USP50: variants seen among roughly 807,000 people sequenced by gnomAD.
USP50 encodes the protein ubiquitin carboxyl-terminal hydrolase 50.
In USP50, 37 loss-of-function variants were observed where a neutral mutation model predicts 39.2. The observed-to-expected ratio is 0.94, with a 90% CI of 0.73 to 1.24. USP50 has a LOEUF of 1.24. Among genes scored for constraint, USP50 ranks in the 50% most tolerant of loss-of-function variants. USP50 has a pLI of 0.00. For synonymous variants in USP50, 139 were observed against 144.5 expected (o/e 0.96, Z 0.27); for missense variants, 374 against 398.2 (o/e 0.94, Z 0.52).
chr15:50,528,299 T>A (rs1366646143), intron 6 of USP50, among the ~76,000 whole-genome samples: 2 of 150,772 alleles, frequency 1.3e-5, no homozygotes, highest in Admixed American at 1.3e-4. Context: ...TTTTAAGAGA[T>A]GGAGTCTTGC....
In USP50 at chr15:50,538,729, T is replaced by C. The variant is rs1338781610; in HGVS notation, c.783A>G (p.Ile261Met). The C allele has an allele frequency of 6.3e-7, 1 of 1,598,642 alleles. No homozygotes were observed. The highest frequency in any genetic ancestry group is 8.5e-7 in the Non-Finnish European group (1 of 1,173,108). Residue 261 changes from isoleucine (I) to methionine (M), a missense_variant, in exon 5 of 7, where the codon ATA (isoleucine) becomes ATG (methionine). Coordinates refer to ENST00000532404, the MANE Select transcript of USP50 (RefSeq NM_203494.5). ...VRASISKAPK[I>M]IIFHLKRFDI... The stretch of plus-strand genomic sequence containing the variant: ...CATACCTTTTTAGGTGGAAAATAAT[T>C]ATTTTTGGTGCTTTGGAAATACTGG...
intron 4 of USP50, among the ~76,000 whole-genome samples, chr15:50,540,750 A>G (rs1014939795): frequency 6.6e-6 from 1 of 151,972 alleles, no homozygotes; most frequent in East Asian, 1.9e-4. Flanking sequence ...CAGTCTCCCA[A>G]ATAGCTGGGA....
At chr15:50,518,476 G>A (rs1039666520) in intron 6 of USP50, among the ~76,000 whole-genome samples, 73 of 151,902 alleles carry the variant, frequency 4.8e-4, no homozygotes, top group African/African-American at 1.7e-3. Flanking sequence ...CTCCCAAAGT[G>A]CTGGGATTAC....
rs2053072114 is a variant in USP50 at position 50,546,494 on chromosome 15, T to C, written c.32A>G (p.Asp11Gly). MTSQPSLPAD[D>G]FDIYHVLAEC... Reference sequence around the variant, plus strand: ...TCACAGGACGTGGTAGATATCGAAGTCATCTGCAGGGAGAGACGGCTGAGA... The same window carrying C: ...TCACAGGACGTGGTAGATATCGAAGCCATCTGCAGGGAGAGACGGCTGAGA... The change falls in exon 1 of 7, where the codon GAC becomes GGC. Residue 11 changes from aspartate (D) to glycine (G), a missense_variant. By Grantham distance (94) the Asp-to-Gly change is moderately conservative. Transcript: ENST00000532404. 6.2e-7 allele frequency: 1 copy of C among 1,613,646 alleles called. No individual in the cohort carries two copies.
At chr15:50,495,670 GT>G (rs910842371), downstream of USP50, among the ~76,000 whole-genome samples, 4 of 151,850 alleles carry the variant, frequency 2.6e-5, no homozygotes, top group African/African-American at 4.8e-5. Context: ...AAGTGAGTGA[GT>G]TTTTTTTGGT....
At chr15:50,529,349 T>TAAA (rs60643073) in intron 6 of USP50, among the ~76,000 whole-genome samples, 3 of 134,582 alleles carry the variant, frequency 2.2e-5, no homozygotes, top group Non-Finnish European at 4.8e-5. Flanking sequence ...ATCTCTACTT[T>TAAA]AAAAAAAAAA....
downstream of USP50, chr15:50,497,226 G>C (rs11857513): frequency 1.5e-5 from 24 of 1,602,462 alleles, no homozygotes; most frequent in Non-Finnish European, 1.8e-5. Context: ...TAGTGCATCT[G>C]AAACGGTAAA....
At chr15:50,539,450 CCT>C (rs2053011957) in intron 4 of USP50, among the ~76,000 whole-genome samples, 1 of 147,844 alleles carries the variant, frequency 6.8e-6, no homozygotes, top group Admixed American at 6.8e-5. Flanking sequence ...ACGGAGTCTC[CCT>C]CTGTCGCCAG....
chr15:50,540,572 T>C (rs1055552338), intron 4 of USP50, among the ~76,000 whole-genome samples: 5 of 152,084 alleles, frequency 3.3e-5, no homozygotes, highest in South Asian at 2.1e-4. Flanking sequence ...TTTTGGCCAG[T>C]ATGTCCCTAT....
At chr15:50,538,662 T>C (rs1435425786) in intron 5 of USP50, 47 bp downstream of exon 5, 7 of 1,530,160 alleles carry the variant, frequency 4.6e-6, no homozygotes, top group African/African-American at 4.2e-5. Context: ...TTTATCTCTA[T>C]AAGGCTGTTC....
intron 6 of USP50, among the ~76,000 whole-genome samples, chr15:50,521,981 A>G (rs2052854687): frequency 6.6e-6 from 1 of 152,104 alleles, no homozygotes; most frequent in East Asian, 1.9e-4. Context: ...AGCAGAAACA[A>G]AAGAGGACAC....
chr15:50,534,663 G>A (rs762662445), intron 5 of USP50, among the ~76,000 whole-genome samples: 54 of 152,020 alleles, frequency 3.6e-4, no homozygotes, highest in Non-Finnish European at 5.4e-4. Context: ...AGTAAACAGA[G>A]GAAAATATAC....
chr15:50,545,823 C>G (rs1374144673), intron 1 of USP50, among the ~76,000 whole-genome samples: 1 of 151,856 alleles, frequency 6.6e-6, no homozygotes, highest in Non-Finnish European at 1.5e-5. Context: ...CGTTTCTCAT[C>G]TATAAAATAG....
At chr15:50,502,126 G>C (rs1487075714) in intron 6 of USP50, 1 of 152,118 alleles carries the variant, frequency 6.6e-6, no homozygotes, top group Non-Finnish European at 1.5e-5. Context: ...TTAATTTTTT[G>C]AGATGGAGTC....
intron 4 of USP50, among the ~76,000 whole-genome samples, chr15:50,540,350 T>A (rs1409188149): frequency 6.6e-6 from 1 of 152,170 alleles, no homozygotes; most frequent in Non-Finnish European, 1.5e-5. Context: ...AGCTCAAGTC[T>A]AAGAGTCTAG....
downstream of USP50, chr15:50,499,607 T>TAAC (rs1384290967): frequency 2.3e-5 from 1 of 43,464 alleles, no homozygotes; most frequent in Admixed American, 3.3e-4. Context: ...CTATTTTGAG[T>TAAC]TAACTTCAGT....
chr15:50,543,112 T>C (rs2053043021), intron 3 of USP50, among the ~76,000 whole-genome samples: 1 of 152,202 alleles, frequency 6.6e-6, no homozygotes, highest in South Asian at 2.1e-4. Context: ...GATGAAACTT[T>C]GTAGTGCGTA....
At chr15:50,525,586 G>GTATA (rs1555395199) in intron 6 of USP50, among the ~76,000 whole-genome samples, 1 of 126,144 alleles carries the variant, frequency 7.9e-6, no homozygotes, top group Non-Finnish European at 1.6e-5. Flanking sequence ...ATGTATATAT[G>GTATA]TATATGTATA....
downstream of USP50, chr15:50,498,590 C>G: frequency 4.4e-6 from 7 of 1,603,856 alleles, no homozygotes; most frequent in Non-Finnish European, 6.0e-6. Context: ...ATGTTTTGTT[C>G]TGCAGTTTTT....
Sources: gnomAD v4.1 joint callset for allele counts (sites outside exome capture counted in the v4.1 genomes callset) on GRCh38, gnomAD v4.1.1 for gene constraint, MANE v1.5 for transcripts, NCBI Gene and HGNC (gene_info 2026-07-23, HGNC 2026-07-21) for gene names.